Variants in DPP6 observed in about 807,000 individuals in gnomAD.
The protein encoded by DPP6 is dipeptidyl peptidase like 6.
Under a neutral mutation model 122.6 loss-of-function variants are expected in DPP6, and 69 were observed. The observed-to-expected ratio is 0.56, with a 90% CI of 0.46 to 0.69. DPP6 has a LOEUF of 0.69. DPP6 is among the 30% of genes least tolerant of loss of function. The pLI, the probability that DPP6 is intolerant of heterozygous loss-of-function variation, is 0.00. For missense variants in DPP6, 928 were observed against 1,116.9 expected, an observed-to-expected ratio of 0.83 and a Z score of 2.41; for synonymous variants, 418 against 433.1, an observed-to-expected ratio of 0.97 and a Z score of 0.43.
rs1803574772 is a variant in DPP6 at position 154,863,300 on chromosome 7, A to ATATT, written c.1715-4692_1715-4689dup. 7.0e-6 allele frequency among the ~76,000 whole-genome samples: 1 copy of ATATT among 141,996 alleles called. No homozygotes were observed. Among genetic ancestry groups the ATATT allele is most frequent in the Non-Finnish European group, 1.5e-5 (1 of 67,874 alleles). 93.2% of individuals were successfully genotyped at this position (141,996 alleles called of 152,430 possible). A position where few individuals can be genotyped will look rare whatever the true frequency, so the allele number is the denominator to read the frequency against. Reference sequence around the variant, plus strand: ...GGACAATATGATTTTAAGAAATGTAATATTTAGCATCTTGGCCCCAAGATT... The same window carrying ATATT: ...GGACAATATGATTTTAAGAAATGTAATATTTATTTAGCATCTTGGCCCCAAGATT... On this transcript the variant is annotated intron_variant, in intron 17 of 25. Transcript: ENST00000377770. The surrounding 1 kb of genome is among the most constrained non-coding windows in gnomAD (Gnocchi z 4.1).
intron 15 of DPP6, among the ~76,000 whole-genome samples, chr7:154,806,469 G>A (rs934251969): frequency 2.6e-5 from 4 of 152,148 alleles, no homozygotes; most frequent in East Asian, 1.9e-4. Context: ...GCGAGCTCTC[G>A]AGGTTTCACT....
intron 1 of DPP6, among the ~76,000 whole-genome samples, chr7:154,374,885 T>G (rs2151128772): frequency 6.6e-6 from 1 of 152,322 alleles, no homozygotes; most frequent in South Asian, 2.1e-4. Context: ...GTGCTGGGAT[T>G]ACAGGCGTGA....
At chr7:154,062,346 G>A (rs796158780) in intron 1 of DPP6, among the ~76,000 whole-genome samples, 3,492 of 8,738 alleles carry the variant, frequency 0.4, 77 homozygotes, top group East Asian at 0.46. Context: ...CCCCCGCGAG[G>A]GTGGGGACTG....
the DPP6 span, among the ~76,000 whole-genome samples, chr7:153,778,055 A>G: frequency 6.7e-6 from 1 of 148,708 alleles, no homozygotes; most frequent in South Asian, 2.1e-4. Flanking sequence ...TATAAGCCCA[A>G]AGGCAAAAAG....
the DPP6 span, among the ~76,000 whole-genome samples, chr7:153,749,816 A>G: frequency 6.6e-6 from 1 of 152,222 alleles, no homozygotes; most frequent in African/African-American, 2.4e-5. This position sits in a 1 kb window ranked among gnomAD's most constrained non-coding sequence, Gnocchi z 4.1. Flanking sequence ...ACAGCAATGC[A>G]TGTAACAATG....
chr7:154,638,236 G>A (rs1835850417), intron 6 of DPP6, among the ~76,000 whole-genome samples: 2 of 152,174 alleles, frequency 1.3e-5, no homozygotes, highest in Admixed American at 6.5e-5. Flanking sequence ...GGCCTCCCAC[G>A]AGGGTTCCTG....
chr7:153,844,922 C>A, the DPP6 span, among the ~76,000 whole-genome samples: 1 of 152,138 alleles, frequency 6.6e-6, no homozygotes, highest in Non-Finnish European at 1.5e-5. Context: ...TAAATTTATG[C>A]ATCCTTCAAT....
intron 2 of DPP6, among the ~76,000 whole-genome samples, chr7:154,467,568 GA>G (rs1190875704): frequency 1.3e-5 from 2 of 152,148 alleles, no homozygotes; most frequent in African/African-American, 4.8e-5. Context: ...CAGCCATGCA[GA>G]ACTGTGAGTC....
the DPP6 span, among the ~76,000 whole-genome samples, chr7:153,822,069 A>G: frequency 6.6e-6 from 1 of 151,894 alleles, no homozygotes; most frequent in Non-Finnish European, 1.5e-5. Flanking sequence ...GCTTATGCCC[A>G]AGTTAGCACC....
At chr7:154,383,583 C>A (rs928146781) in intron 1 of DPP6, among the ~76,000 whole-genome samples, 1 of 152,052 alleles carries the variant, frequency 6.6e-6, no homozygotes, top group Non-Finnish European at 1.5e-5. Flanking sequence ...ATTAATGACT[C>A]AACAGTTTTA....
At chr7:154,205,172 T>C (rs1393374101) in intron 1 of DPP6, among the ~76,000 whole-genome samples, 1 of 152,170 alleles carries the variant, frequency 6.6e-6, no homozygotes, top group Non-Finnish European at 1.5e-5. Flanking sequence ...TATTTTGAGA[T>C]AATTGCAGAT....
At chr7:154,857,194 G>T (rs1401897123) in intron 17 of DPP6, among the ~76,000 whole-genome samples, 1 of 152,168 alleles carries the variant, frequency 6.6e-6, no homozygotes, top group Non-Finnish European at 1.5e-5. Flanking sequence ...ATGATTAAAT[G>T]TGGTTGAGTT....
At chr7:153,821,030 T>C in the DPP6 span, among the ~76,000 whole-genome samples, 3 of 151,678 alleles carry the variant, frequency 2.0e-5, no homozygotes, top group Non-Finnish European at 4.4e-5. Flanking sequence ...TCATGTTGGA[T>C]TTGGTGATGA....
chr7:154,360,588 C>A (rs1467943979), intron 1 of DPP6, among the ~76,000 whole-genome samples: 4 of 152,162 alleles, frequency 2.6e-5, no homozygotes. Flanking sequence ...GTCTTGACAT[C>A]CTATGTTAGT....
chr7:154,245,990 A>C (rs1417713304), intron 1 of DPP6, among the ~76,000 whole-genome samples: 1 of 152,240 alleles, frequency 6.6e-6, no homozygotes. Flanking sequence ...TTTAAAGTGC[A>C]AGTAGAACTC....
At chr7:154,785,478 T>C (rs1797283607) in intron 10 of DPP6, among the ~76,000 whole-genome samples, 1 of 152,216 alleles carries the variant, frequency 6.6e-6, no homozygotes, top group East Asian at 1.9e-4. Flanking sequence ...GATTTTATTC[T>C]CTATGTCAGT....
At chr7:154,310,792 G>A (rs1448098193) in intron 1 of DPP6, among the ~76,000 whole-genome samples, 2 of 152,118 alleles carry the variant, frequency 1.3e-5, no homozygotes. Context: ...CACGTGGAAA[G>A]TGTTAAGATG....
chr7:154,431,204 A>AG, intron 1 of DPP6, among the ~76,000 whole-genome samples: 1 of 152,166 alleles, frequency 6.6e-6, no homozygotes, highest in Non-Finnish European at 1.5e-5. Context: ...ACAGGCCACC[A>AG]GGGGGAAGCG....
At chr7:154,271,263 A>G (rs145390954) in intron 1 of DPP6, among the ~76,000 whole-genome samples, 1 of 152,222 alleles carries the variant, frequency 6.6e-6, no homozygotes, top group East Asian at 1.9e-4. Flanking sequence ...CCAATCAGAC[A>G]GGTACCAGAG....
Sources: allele counts gnomAD v4.1 joint callset (sites outside exome capture counted in the v4.1 genomes callset), GRCh38; gene constraint gnomAD v4.1.1; non-coding constraint Gnocchi (gnomAD v3.1); transcripts MANE v1.5; gene names NCBI Gene and HGNC (gene_info 2026-07-23, HGNC 2026-07-21).